The following CACNA1A variants were observed in gnomAD, a reference collection of about 807,000 sequenced individuals.
CACNA1A encodes the protein calcium voltage-gated channel subunit alpha1 A, also known as voltage-dependent P/Q-type calcium channel subunit alpha-1A.
CACNA1A carries 57 observed loss-of-function variants against 262.4 expected under a neutral mutation model. The observed-to-expected ratio is 0.22, with a 90% CI of 0.18 to 0.27. The LOEUF (loss-of-function observed/expected upper bound fraction) is 0.27. Among genes scored for constraint, CACNA1A ranks in the 10% least tolerant of loss-of-function variants. The pLI, the probability that CACNA1A is intolerant of heterozygous loss-of-function variation, is 1.00. For missense variants in CACNA1A, 2,526 were observed against 3,562.8 expected (o/e 0.71, Z 7.41); for synonymous variants, 1,431 against 1,419.3 (o/e 1.01, Z -0.18).
In CACNA1A at chr19:13,359,376, C is replaced by T. The variant is rs17846913; in HGVS notation, c.978+230G>A. The stretch of plus-strand genomic sequence containing the variant: ...ACTTGCACAATGAAAAATGATGTTG[C>T]ATCTGGGGGCCCTCCAGACTTCTAT... On this transcript the variant is annotated intron_variant, in intron 6 of 46. Coordinates refer to ENST00000360228, the MANE Select transcript of CACNA1A (RefSeq NM_001127222.2). 3.4e-4 allele frequency among the ~76,000 whole-genome samples: 52 copies of T among 152,294 alleles called. No homozygotes were observed. The East Asian group carries it at 9.5e-3, about 28-fold the overall frequency.
intron 24 of CACNA1A, 115 bp downstream of exon 24, chr19:13,275,735 C>A: frequency 1.4e-6 from 1 of 739,864 alleles, no homozygotes. Flanking sequence ...CCCACGTCCC[C>A]GGAGCCCACA....
At chr19:13,254,455 C>G (rs971531775) in intron 29 of CACNA1A, among the ~76,000 whole-genome samples, 1 of 151,704 alleles carries the variant, frequency 6.6e-6, no homozygotes, top group East Asian at 1.9e-4. Context: ...CTCCGCCTCC[C>G]GGGTTCAAGC....
chr19:13,234,824 T>C (rs1001005914), intron 34 of CACNA1A, 97 bp downstream of exon 34: 2 of 835,228 alleles, frequency 2.4e-6, no homozygotes, highest in African/African-American at 1.7e-5. Flanking sequence ...ACGTCTTGCA[T>C]TGGAAGAGGA....
rs774744862 is a variant in CACNA1A, at chr19:13,365,302, GC to G, written c.784+14del. 6.2e-7 allele frequency: 1 copy of G among 1,602,968 alleles called. No homozygotes were observed. The highest frequency in any genetic ancestry group is 8.5e-7 in the Non-Finnish European group (1 of 1,172,066). On this transcript the variant is annotated intron_variant, in intron 5 of 46. Coordinates refer to ENST00000360228, the MANE Select transcript of CACNA1A (RefSeq NM_001127222.2). ...GGAGAAAACTGGAAAGATGCATCAT[GC>G]TCCGTGGACCTACCTGTCCCCTCTT...
At chr19:13,259,289 G>A (rs1018120164) in intron 27 of CACNA1A, 6 of 209,666 alleles carry the variant, frequency 2.9e-5, no homozygotes, top group African/African-American at 5.1e-5. Flanking sequence ...GGGACCACAG[G>A]TGTGAGCCAC....
chr19:13,497,501 AAAAAAAAAAAAAAAAAAAAAAT>A (rs1981687695), intron 1 of CACNA1A, among the ~76,000 whole-genome samples: 9 of 33,954 alleles, frequency 2.7e-4, no homozygotes, highest in African/African-American at 1.1e-3. Context: ...AAAAAAAAAA[AAAAAAAAAAAAAAAAAAAAAAT>A]ATATATATAT....
At chr19:13,274,290 A>T (rs1366319649) in intron 24 of CACNA1A, 1 of 152,198 alleles carries the variant, frequency 6.6e-6, no homozygotes, top group Non-Finnish European at 1.5e-5. Context: ...TTGTGTTCCC[A>T]GAGAAGAATC....
intron 3 of CACNA1A, among the ~76,000 whole-genome samples, chr19:13,414,496 T>C (rs2060187279): frequency 6.6e-6 from 1 of 152,076 alleles, no homozygotes; most frequent in Non-Finnish European, 1.5e-5. Flanking sequence ...AACCAGGGAA[T>C]GTTGGAGACA....
rs758817759 is a variant in CACNA1A at position 13,207,398 on chromosome 19, G to A, written c.7436C>T (p.Ala2479Val). 3.9e-6 allele frequency: 6 copies of A among 1,538,216 alleles called. No individual in the cohort carries two copies. Among genetic ancestry groups the A allele is most frequent in the South Asian group, 2.4e-5 (2 of 85,016 alleles). The change falls in exon 47 of 47, where the codon GCG becomes GTG. Residue 2479 changes from alanine (A) to valine (V), a missense_variant. By Grantham distance (64) the Ala-to-Val change is moderately conservative. Around this residue, in one of 17 missense-constraint regions of CACNA1A, gnomAD observed 929 missense variants for 868.1 expected, o/e 1.07. Coordinates refer to ENST00000360228, the MANE Select transcript of CACNA1A (RefSeq NM_001127222.2). The surrounding 1 kb of genome is among the most constrained non-coding windows in gnomAD (Gnocchi z 5.7). ...CCCGCGGGGCCTGGCCAGTCCGTGC[G>A]CCGGGTAGTAGCCGTTGGGGAGTCG... ...GRRLPNGYYP[A>V]HGLARPRGPG...
At chr19:13,261,675 G>A in intron 25 of CACNA1A, 65 bp from the exon 26 acceptor site, 1 of 1,491,756 alleles carries the variant, frequency 6.7e-7, no homozygotes, top group East Asian at 2.4e-5. Flanking sequence ...TGCCTCCAGT[G>A]GCCCATCATA....
Position 13,402,857 on chromosome 19 carries a change from TAC to T in CACNA1A, c.540-31080_540-31079del, listed in dbSNP as rs1282745878. Among the ~76,000 whole-genome samples, 327 of 75,764 alleles carry T rather than the reference TAC, an allele frequency of 4.3e-3. 3 individuals carry two copies. The highest frequency in any genetic ancestry group is 0.015 in the South Asian group (35 of 2,366). The allele number at this position is 75,764 out of a possible 152,430, so 49.7% of individuals were successfully genotyped here. On this transcript the variant is annotated intron_variant, in intron 3 of 46. Coordinates refer to ENST00000360228, the MANE Select transcript of CACNA1A (RefSeq NM_001127222.2). The stretch of plus-strand genomic sequence containing the variant: ...ATACATATATATACACATATATATA[TAC>T]ACACACACACACACATATATATATA...
intron 30 of CACNA1A, among the ~76,000 whole-genome samples, chr19:13,246,361 T>C (rs1298191832): frequency 6.6e-6 from 1 of 152,134 alleles, no homozygotes; most frequent in Non-Finnish European, 1.5e-5. Flanking sequence ...GTGTGGTCAC[T>C]TTCTGGTCAG....
chr19:13,485,660 A>T (rs1017785106), intron 1 of CACNA1A, among the ~76,000 whole-genome samples: 1 of 152,216 alleles, frequency 6.6e-6, no homozygotes, highest in Non-Finnish European at 1.5e-5. Context: ...TGCAAACTAA[A>T]ATCACAATGA....
chr19:13,216,019 C>T (rs1272759406), intron 38 of CACNA1A, among the ~76,000 whole-genome samples: 1 of 151,724 alleles, frequency 6.6e-6, no homozygotes, highest in Non-Finnish European at 1.5e-5. Context: ...CTCCTGGGCT[C>T]AAGATCCTCC....
chr19:13,279,065 C>G (rs533623194), intron 22 of CACNA1A, among the ~76,000 whole-genome samples: 3 of 152,126 alleles, frequency 2.0e-5, no homozygotes, highest in African/African-American at 7.2e-5. Flanking sequence ...CCCTGGCTCG[C>G]TCAGTACCTG....
intron 30 of CACNA1A, among the ~76,000 whole-genome samples, chr19:13,248,430 A>AG (rs1017762088): frequency 2.0e-5 from 3 of 151,140 alleles, no homozygotes; most frequent in African/African-American, 4.9e-5. Flanking sequence ...AAAAAAAAAA[A>AG]AAAGAGAAAG....
chr19:13,501,802 T>C (rs1157226286), intron 1 of CACNA1A, among the ~76,000 whole-genome samples: 1 of 152,162 alleles, frequency 6.6e-6, no homozygotes, highest in African/African-American at 2.4e-5. Flanking sequence ...ATGAAAACTG[T>C]AAATTAAGAC....
chr19:13,455,557 G>C (rs374957545), intron 1 of CACNA1A, among the ~76,000 whole-genome samples: 1 of 152,198 alleles, frequency 6.6e-6, no homozygotes, highest in Non-Finnish European at 1.5e-5. Context: ...CTGCTTCCCA[G>C]AGGAGAAGCA....
At chr19:13,221,225 T>TTCTTTTC (rs1491338212) in intron 38 of CACNA1A, among the ~76,000 whole-genome samples, 2 of 41,046 alleles carry the variant, frequency 4.9e-5, no homozygotes, top group African/African-American at 1.6e-4. Flanking sequence ...TTCTTTTCTT[T>TTCTTTTC]CTTTCTTTCT....
Sources: gnomAD v4.1 joint callset for allele counts (sites outside exome capture counted in the v4.1 genomes callset) on GRCh38, gnomAD v4.1.1 for gene constraint, gnomAD v4.1.1 regional missense constraint, Gnocchi (gnomAD v3.1) non-coding constraint, MANE v1.5 for transcripts, NCBI Gene and HGNC (gene_info 2026-07-23, HGNC 2026-07-21) for gene names.